Variants in CIT observed in about 807,000 individuals in gnomAD.
CIT encodes citron Rho-interacting kinase.
In CIT, 79 loss-of-function variants were observed where a neutral mutation model predicts 272.7. The observed-to-expected ratio is 0.29, with a 90% CI of 0.24 to 0.35. The LOEUF (loss-of-function observed/expected upper bound fraction) is 0.35, where lower values mean the gene tolerates loss of function less well. Among genes scored for constraint, CIT ranks in the 10% least tolerant of loss-of-function variants. CIT has a pLI of 1.00. For missense variants in CIT, 1,909 were observed against 2,618.3 expected (o/e 0.73, Z 5.91); for synonymous variants, 948 against 995.6 (o/e 0.95, Z 0.90).
At chr12:119,826,192 G>A (rs1280696373) in intron 7 of CIT, among the ~76,000 whole-genome samples, 2 of 152,146 alleles carry the variant, frequency 1.3e-5, no homozygotes, top group African/African-American at 4.8e-5. Flanking sequence ...CACAGGGCAA[G>A]ACATGATAAT....
At chr12:119,693,684 G>C (rs977205912) in intron 46 of CIT, among the ~76,000 whole-genome samples, 1 of 152,260 alleles carries the variant, frequency 6.6e-6, no homozygotes, top group African/African-American at 2.4e-5. Flanking sequence ...CAAGCCAAGA[G>C]TTAGGAGCAT....
chr12:119,700,925 C>A (rs1205399657), intron 43 of CIT, 100 bp from the exon 44 acceptor site: 2 of 942,470 alleles, frequency 2.1e-6, no homozygotes, highest in African/African-American at 3.2e-5. Flanking sequence ...GCCCAGGGAC[C>A]CCTGGCCAGA....
intron 5 of CIT, among the ~76,000 whole-genome samples, chr12:119,849,234 C>A (rs1593947082): frequency 6.6e-6 from 1 of 152,140 alleles, no homozygotes; most frequent in Non-Finnish European, 1.5e-5. Context: ...TGCGGCCAGC[C>A]CGGCCAACGT....
intron 22 of CIT, 41 bp downstream of exon 22, chr12:119,757,330 C>T (rs766768521): frequency 2.5e-6 from 4 of 1,608,466 alleles, no homozygotes; most frequent in African/African-American, 1.3e-5. Flanking sequence ...GAGCCCGAAT[C>T]GCCCAGCAAA....
Position 119,712,386 on chromosome 12 carries a change from T to TC in CIT, c.4685-40dup. 1 of 1,570,494 alleles carries TC rather than the reference T, an allele frequency of 6.4e-7. No homozygotes were observed. Among genetic ancestry groups the TC allele is most frequent in the Non-Finnish European group, 8.7e-7 (1 of 1,154,012 alleles). On this transcript the variant is annotated intron_variant, in intron 36 of 47. Transcript: ENST00000392521. This position sits in a 1 kb window ranked among gnomAD's most constrained non-coding sequence, Gnocchi z 5.2. ...GAGAGCACAGGATTGGGTGTGGATT[T>TC]CCCCCGTTCCCACTGGGAGGGACGG... is the stretch of plus-strand genomic sequence containing the variant.
At chr12:119,801,340 G>A (rs764746534) in intron 10 of CIT, among the ~76,000 whole-genome samples, 3 of 152,166 alleles carry the variant, frequency 2.0e-5, no homozygotes, top group Non-Finnish European at 4.4e-5. Context: ...AGATGTCCCT[G>A]TCAGAGAGCT....
Position 119,710,141 on chromosome 12 carries a change from G to A in CIT, c.5071+110C>T, listed in dbSNP as rs906900057. On this transcript the variant is annotated intron_variant, in intron 39 of 47. Coordinates refer to ENST00000392521, the MANE Select transcript of CIT (RefSeq NM_001206999.2). The surrounding 1 kb of genome is among the most constrained non-coding windows in gnomAD (Gnocchi z 5.6). ...CATCTATGGGGACACAGAGATAAGA[G>A]CTACAACGGCTCCTCTCTACTATTT... 13 of 1,223,778 alleles carry A rather than the reference G, an allele frequency of 1.1e-5. No individual in the cohort carries two copies. The Admixed American group carries it at 1.7e-4, about 16-fold the overall frequency. The allele number at this position is 1,223,778 out of a possible 1,614,324, so 75.8% of individuals were successfully genotyped here. A position where few individuals can be genotyped will look rare whatever the true frequency, so the allele number is the denominator to read the frequency against.
chr12:119,841,077 T>C (rs1969377227), intron 5 of CIT, among the ~76,000 whole-genome samples: 1 of 152,094 alleles, frequency 6.6e-6, no homozygotes, highest in African/African-American at 2.4e-5. Flanking sequence ...GATCCAGAAG[T>C]ATAATGCCTT....
Position 119,834,101 on chromosome 12 carries a change from A to G in CIT, c.644T>C (p.Met215Thr), listed in dbSNP as rs1968834418. ...TCTCACTTACCGATGCACGTATCCC[A>G]TCAGATGAACGCTGTGAACAGCCAA... ...LILAVHSVHL[M>T]GYVHRDIKPE... is the part of the protein sequence containing the mutation. The change falls in exon 6 of 48, where the codon ATG (methionine) becomes ACG (threonine). Residue 215 changes from methionine (M) to threonine (T), a missense_variant. Physicochemically the swap from Met to Thr is moderately conservative, Grantham distance 81 (BLOSUM62 -1). Coordinates refer to ENST00000392521, the MANE Select transcript of CIT (RefSeq NM_001206999.2). 1 of 1,612,674 alleles carries G rather than the reference A, an allele frequency of 6.2e-7. No homozygotes were observed. The highest frequency in any genetic ancestry group is 1.7e-5 in the Admixed American group (1 of 59,498).
At chr12:119,850,759 A>G (rs1033759641) in intron 4 of CIT, among the ~76,000 whole-genome samples, 11 of 152,180 alleles carry the variant, frequency 7.2e-5, no homozygotes, top group African/African-American at 2.4e-4. Flanking sequence ...GAGAAAAGTC[A>G]TGGTGGCCCA....
rs1434847606 is a variant in CIT at position 119,804,709 on chromosome 12, C to T, written c.1112-1320G>A. On this transcript the variant is annotated intron_variant, in intron 9 of 47. Transcript: ENST00000392521. The surrounding 1 kb of genome is among the most constrained non-coding windows in gnomAD (Gnocchi z 5.3). The stretch of plus-strand genomic sequence containing the variant: ...CCCGATGACAACAACATCCAAGTGG[C>T]GCTGGGAAGTAATTGGAGCAGGAAA... 1.3e-5 allele frequency among the ~76,000 whole-genome samples: 2 copies of T among 152,128 alleles called. No homozygotes were observed. Among genetic ancestry groups the T allele is most frequent in the African/African-American group, 2.4e-5 (1 of 41,410 alleles).
rs962775307 is a variant in CIT, at chr12:119,728,194, A to G, written c.3591+308T>C. Among the ~76,000 whole-genome samples, 6 of 152,204 alleles carry G rather than the reference A, an allele frequency of 3.9e-5. No homozygotes were observed. The highest frequency in any genetic ancestry group is 1.4e-4 in the African/African-American group (6 of 41,454). ...ATCCTGTATGATACAGTAAAGGTGG[A>G]TAACTGTCATTACACATTTGTCAAA... is the stretch of plus-strand genomic sequence containing the variant. On this transcript the variant is annotated intron_variant, in intron 28 of 47. Coordinates refer to ENST00000392521, the MANE Select transcript of CIT (RefSeq NM_001206999.2). This position sits in a 1 kb window ranked among gnomAD's most constrained non-coding sequence, Gnocchi z 4.3.
chr12:119,867,734 C>A (rs1023246924), intron 3 of CIT, among the ~76,000 whole-genome samples: 1 of 151,870 alleles, frequency 6.6e-6, no homozygotes, highest in African/African-American at 2.4e-5. Context: ...CAACCGAAAA[C>A]GTCAAATCAC....
At chr12:119,756,773 G>T (rs1961042233) in intron 22 of CIT, among the ~76,000 whole-genome samples, 2 of 152,120 alleles carry the variant, frequency 1.3e-5, no homozygotes, top group Admixed American at 6.5e-5. Context: ...GCTCTGGGAA[G>T]TCAGCAGGAA....
At chr12:119,859,002 G>A (rs114065427) in intron 3 of CIT, among the ~76,000 whole-genome samples, 178 of 152,174 alleles carry the variant, frequency 1.2e-3, no homozygotes, top group African/African-American at 4.2e-3. Flanking sequence ...GATCCTCAAC[G>A]TATGAAGTAT....
Position 119,740,670 on chromosome 12 carries a change from T to C in CIT, c.2958+1741A>G, listed in dbSNP as rs890640078. On this transcript the variant is annotated intron_variant, in intron 24 of 47. Coordinates refer to ENST00000392521, the MANE Select transcript of CIT (RefSeq NM_001206999.2). ...AGCTTATATAAGGAAAAAATAGTAA[T>C]ATAAAAAATTCCAGTCATAAAATGA... 2.0e-5 allele frequency among the ~76,000 whole-genome samples: 3 copies of C among 152,124 alleles called. No homozygotes were observed. The South Asian group carries it at 6.2e-4, about 32-fold the overall frequency.
At position 119,710,676 on chromosome 12, in the gene CIT, A is replaced by G. The variant is rs76381964; in HGVS notation, c.4855-56T>C. On this transcript the variant is annotated intron_variant, in intron 37 of 47. Coordinates refer to ENST00000392521, the MANE Select transcript of CIT (RefSeq NM_001206999.2). The surrounding 1 kb of genome is among the most constrained non-coding windows in gnomAD (Gnocchi z 5.6). ...AAGACATCGTGAGGCTGATCTGTTT[A>G]TGACCAAACCATCCAGAGAAACCAA... is the stretch of plus-strand genomic sequence containing the variant. The G allele has an allele frequency of 3.0e-3, 4,487 of 1,504,064 alleles. 113 individuals carry two copies. The African/African-American group carries it at 0.056, about 19-fold the overall frequency. The allele number at this position is 1,504,064 out of a possible 1,614,324, so 93.2% of individuals were successfully genotyped here.
At position 119,784,269 on chromosome 12, in the gene CIT, C is replaced by T; in HGVS notation, c.1402-218G>A. The T allele has an allele frequency of 1.3e-6, 2 of 1,571,804 alleles. No homozygotes were observed. The highest frequency in any genetic ancestry group is 1.7e-6 in the Non-Finnish European group (2 of 1,154,370). On this transcript the variant is annotated intron_variant, in intron 11 of 47. Coordinates refer to ENST00000392521, the MANE Select transcript of CIT (RefSeq NM_001206999.2). The surrounding 1 kb of genome is among the most constrained non-coding windows in gnomAD (Gnocchi z 4.7). The stretch of plus-strand genomic sequence containing the variant: ...CTAAGTCACTCCTCTCATTCAAGTC[C>T]CGGTTCACACTTGATCACTTCTCTA...
chr12:119,770,922 G>C lies in CIT; in HGVS notation c.2083-12C>G. On this transcript the variant is annotated splice_polypyrimidine_tract_variant and intron_variant, in intron 17 of 47. Coordinates refer to ENST00000392521, the MANE Select transcript of CIT (RefSeq NM_001206999.2). The surrounding 1 kb of genome is among the most constrained non-coding windows in gnomAD (Gnocchi z 4.4). ...GAATGGCGGCGTTCCTGTAGATCAT[G>C]AATCAATCAGAGAGTTTTAATGGAG... 1 of 1,612,454 alleles carries C rather than the reference G, an allele frequency of 6.2e-7. No homozygotes were observed. The highest frequency in any genetic ancestry group is 8.5e-7 in the Non-Finnish European group (1 of 1,179,748).
Sources: gnomAD v4.1 joint callset for allele counts (sites outside exome capture counted in the v4.1 genomes callset) on GRCh38, gnomAD v4.1.1 for gene constraint, Gnocchi (gnomAD v3.1) non-coding constraint, MANE v1.5 for transcripts, NCBI Gene and HGNC (gene_info 2026-07-23, HGNC 2026-07-21) for gene names.